The following ROBO2 variants were observed in gnomAD, a reference collection of about 807,000 sequenced individuals.
ROBO2 encodes the protein roundabout homolog 2.
Under a neutral mutation model 160.8 loss-of-function variants are expected in ROBO2, and 53 were observed. The observed-to-expected ratio is 0.33, with a 90% CI of 0.26 to 0.41. The LOEUF (loss-of-function observed/expected upper bound fraction) is 0.41. ROBO2 is among the 10% of genes least tolerant of loss of function. The pLI, the probability that ROBO2 is intolerant of heterozygous loss-of-function variation, is 1.00. For missense variants in ROBO2, 1,577 were observed against 1,722.4 expected, an observed-to-expected ratio of 0.92 and a Z score of 1.49; for synonymous variants, 664 against 611.7, an observed-to-expected ratio of 1.09 and a Z score of -1.26.
intron 2 of ROBO2, among the ~76,000 whole-genome samples, chr3:77,190,011 G>A (rs1326894075): frequency 2.0e-5 from 3 of 151,860 alleles, no homozygotes; most frequent in Non-Finnish European, 4.4e-5. Context: ...ACTCTTGTCC[G>A]TGATCTTTAT....
At chr3:76,835,411 AATAT>A (rs985045232) in intron 2 of ROBO2, among the ~76,000 whole-genome samples, 4 of 147,342 alleles carry the variant, frequency 2.7e-5, no homozygotes, top group African/African-American at 9.8e-5. Flanking sequence ...AATAATATAT[AATAT>A]ATATAATATA....
rs116500689 is a variant in ROBO2, at chr3:77,173,877, C to A, written c.388+75537C>A. On this transcript the variant is annotated intron_variant, in intron 2 of 25. Coordinates refer to ENST00000461745, the Ensembl canonical transcript of ROBO2. ...ACAACCTTTGTTTTCTTAGAACTGACCATCAGGGAAATTGCTTTTGACTCC... is the reference window on the plus strand; with the variant it reads ...ACAACCTTTGTTTTCTTAGAACTGAACATCAGGGAAATTGCTTTTGACTCC... 7.6e-3 allele frequency among the ~76,000 whole-genome samples: 1,162 copies of A among 152,056 alleles called. 17 individuals carry two copies. Among genetic ancestry groups the A allele is most frequent in the African/African-American group, 0.027 (1,107 of 41,512 alleles).
intron 2 of ROBO2, among the ~76,000 whole-genome samples, chr3:77,110,627 G>C (rs2073443553): frequency 6.7e-6 from 1 of 148,744 alleles, no homozygotes; most frequent in African/African-American, 2.5e-5. Flanking sequence ...TAAATGTAAG[G>C]CATAAGACTA....
chr3:77,549,891 G>A (rs1428766848), intron 7 of ROBO2, among the ~76,000 whole-genome samples: 1 of 151,652 alleles, frequency 6.6e-6, no homozygotes, highest in Non-Finnish European at 1.5e-5. Flanking sequence ...GATCCCAGAG[G>A]GTTAAAATGT....
chr3:77,570,389 A>G (rs538042484), intron 13 of ROBO2, among the ~76,000 whole-genome samples: 1 of 152,076 alleles, frequency 6.6e-6, no homozygotes, highest in South Asian at 2.1e-4. Context: ...ACTAGTTTGC[A>G]CATCTATCCC....
intron 2 of ROBO2, among the ~76,000 whole-genome samples, chr3:76,809,854 A>C (rs1356769639): frequency 6.6e-6 from 1 of 152,156 alleles, no homozygotes; most frequent in African/African-American, 2.4e-5. Flanking sequence ...AAAGATGAGA[A>C]AATTAATGGC....
At chr3:76,150,004 C>T (rs2072105131) in intron 2 of ROBO2, among the ~76,000 whole-genome samples, 1 of 142,976 alleles carries the variant, frequency 7.0e-6, no homozygotes, top group African/African-American at 2.6e-5. Context: ...CACACATCAT[C>T]TGTCTAAAAC....
intron 2 of ROBO2, among the ~76,000 whole-genome samples, chr3:76,831,218 T>C (rs181692484): frequency 6.6e-6 from 1 of 152,310 alleles, no homozygotes; most frequent in African/African-American, 2.4e-5. Context: ...GATGGGTCCA[T>C]ACGAGTTTTT....
At chr3:77,384,119 CTTTAAACA>C (rs2073853155) in intron 2 of ROBO2, among the ~76,000 whole-genome samples, 1 of 152,110 alleles carries the variant, frequency 6.6e-6, no homozygotes, top group Non-Finnish European at 1.5e-5. Context: ...CATATATACT[CTTTAAACA>C]TTTGGTCATG....
intron 20 of ROBO2, among the ~76,000 whole-genome samples, chr3:77,604,656 G>A (rs2153694094): frequency 6.6e-6 from 1 of 152,186 alleles, no homozygotes; most frequent in African/African-American, 2.4e-5. Flanking sequence ...AGGTGAGAGT[G>A]ATTATTCTCT....
intron 2 of ROBO2, among the ~76,000 whole-genome samples, chr3:77,276,752 T>G (rs376466446): frequency 6.6e-6 from 1 of 152,028 alleles, no homozygotes; most frequent in Non-Finnish European, 1.5e-5. Flanking sequence ...GATTGGGTAA[T>G]GTATAAAGGA....
intron 2 of ROBO2, among the ~76,000 whole-genome samples, chr3:77,007,234 A>T (rs1279335501): frequency 6.6e-6 from 1 of 152,178 alleles, no homozygotes; most frequent in Non-Finnish European, 1.5e-5. Context: ...TTCATATTTT[A>T]TGTAATCATC....
At chr3:77,563,687 T>C (rs544894770) in intron 11 of ROBO2, among the ~76,000 whole-genome samples, 4 of 152,218 alleles carry the variant, frequency 2.6e-5, no homozygotes, top group Admixed American at 2.6e-4. Context: ...TTTTTAAAGT[T>C]ATGTGACATT....
At chr3:76,625,283 T>C (rs2089551431) in intron 2 of ROBO2, among the ~76,000 whole-genome samples, 1 of 152,160 alleles carries the variant, frequency 6.6e-6, no homozygotes, top group Admixed American at 6.5e-5. Context: ...ACTCACCATG[T>C]TTATATTAGC....
At chr3:76,642,955 A>G (rs1289179040) in intron 2 of ROBO2, among the ~76,000 whole-genome samples, 1 of 152,230 alleles carries the variant, frequency 6.6e-6, no homozygotes, top group Admixed American at 6.5e-5. Flanking sequence ...AATGCAATAA[A>G]GTTGCTAAAA....
rs1315859006 is a variant in ROBO2, at chr3:76,194,125, CA to C, written c.109+256525del. ...AATTGAAAGATTGAATCTAGTAATG[CA>C]AGTTTAATTCTACATTTATTTTAAT... On this transcript the variant is annotated intron_variant, in intron 2 of 26. Transcript: ENST00000487694. 2.0e-5 allele frequency among the ~76,000 whole-genome samples: 3 copies of C among 151,688 alleles called. No homozygotes were observed. The South Asian group carries it at 6.3e-4, about 32-fold the overall frequency.
intron 2 of ROBO2, among the ~76,000 whole-genome samples, chr3:76,901,959 T>C (rs1343032561): frequency 1.3e-5 from 2 of 152,004 alleles, no homozygotes; most frequent in Non-Finnish European, 2.9e-5. Flanking sequence ...TATATGTCCT[T>C]CCATATTTTT....
At position 76,038,033 on chromosome 3, in the gene ROBO2, C is replaced by T. The variant is rs190763121; in HGVS notation, c.109+100431C>T. ...TATCTGAAGGGTACTGGGAAGATACCGGAAAGTTTCAGCAGAAGGGTAACT... is the reference window on the plus strand; with the variant it reads ...TATCTGAAGGGTACTGGGAAGATACTGGAAAGTTTCAGCAGAAGGGTAACT... On this transcript the variant is annotated intron_variant, in intron 2 of 26. Transcript: ENST00000487694. 1.4e-3 allele frequency among the ~76,000 whole-genome samples: 211 copies of T among 151,962 alleles called. 4 individuals are homozygous for T. Among genetic ancestry groups the T allele is most frequent in the African/African-American group, 3.7e-3 (151 of 41,328 alleles).
chr3:77,190,335 C>T (rs2081713423), intron 2 of ROBO2, among the ~76,000 whole-genome samples: 1 of 151,864 alleles, frequency 6.6e-6, no homozygotes, highest in Non-Finnish European at 1.5e-5. Context: ...TTCAGAGTTG[C>T]ATTATCTGTG....
Sources: allele counts gnomAD v4.1 joint callset (sites outside exome capture counted in the v4.1 genomes callset), GRCh38; gene constraint gnomAD v4.1.1; transcripts MANE v1.5; gene names NCBI Gene and HGNC (gene_info 2026-07-23, HGNC 2026-07-21).